The following PCDHGA4 variants were observed in gnomAD, a reference collection of about 807,000 sequenced individuals.
The protein encoded by PCDHGA4 is protocadherin gamma subfamily A, 4.
In PCDHGA4, 38 loss-of-function variants were observed where a neutral mutation model predicts 54.6. That is an observed-to-expected ratio of 0.70 (90% confidence interval 0.54 to 0.91). PCDHGA4 has a LOEUF of 0.91. Among genes scored for constraint, PCDHGA4 ranks in the 40% least tolerant of loss-of-function variants. PCDHGA4 has a pLI of 0.00. For synonymous variants in PCDHGA4, 511 were observed against 512.9 expected (o/e 1.00, Z 0.05); for missense variants, 1,298 against 1,220.9 (o/e 1.06, Z -0.94).
intron 1 of PCDHGA4, chr5:141,424,529 A>G (rs1308118953): frequency 6.6e-6 from 1 of 152,218 alleles, no homozygotes; most frequent in Non-Finnish European, 1.5e-5. Context: ...AAATCCATAT[A>G]TAGAAATAAC....
At chr5:141,374,811 C>A (rs1770858987) in intron 1 of PCDHGA4, 1 of 1,613,868 alleles carries the variant, frequency 6.2e-7, no homozygotes, top group Admixed American at 1.7e-5. Flanking sequence ...CCAATGTTTA[C>A]TCAGCCTGTC....
At chr5:141,419,556 C>A (rs202164819) in intron 1 of PCDHGA4, 227 of 1,611,892 alleles carry the variant, frequency 1.4e-4, no homozygotes, top group Non-Finnish European at 8.6e-5. Context: ...CTGTACCCTG[C>A]GCTGGGTCCC....
intron 1 of PCDHGA4, among the ~76,000 whole-genome samples, chr5:141,467,116 A>T (rs981562543): frequency 2.0e-5 from 3 of 150,560 alleles, no homozygotes; most frequent in Non-Finnish European, 4.4e-5. Flanking sequence ...ACAATGGTGC[A>T]ATCTCAGCTC....
chr5:141,435,066 G>A (rs936110088), intron 1 of PCDHGA4, among the ~76,000 whole-genome samples: 3 of 151,920 alleles, frequency 2.0e-5, no homozygotes, highest in African/African-American at 7.3e-5. Context: ...GCAGTTTTGT[G>A]TAGACCGTCT....
intron 1 of PCDHGA4, chr5:141,376,167 T>C (rs1772357284): frequency 3.1e-6 from 5 of 1,614,124 alleles, no homozygotes; most frequent in East Asian, 2.2e-5. Context: ...TACCTGGTGG[T>C]GGCGGTGGCC....
intron 1 of PCDHGA4, chr5:141,366,096 C>A (rs763995838): frequency 5.6e-6 from 9 of 1,614,108 alleles, no homozygotes; most frequent in Middle Eastern, 1.6e-4. Context: ...TACCTGGTGA[C>A]CAAGGTGGTA....
chr5:141,487,275 G>T lies in PCDHGA4; in HGVS notation c.2515-7532G>T, dbSNP rs747253888. 2.5e-6 allele frequency: 4 copies of T among 1,614,158 alleles called. No homozygotes were observed. The highest frequency in any genetic ancestry group is 1.1e-5 in the South Asian group (1 of 91,074). On this transcript the variant is annotated intron_variant, in intron 1 of 3. Coordinates refer to ENST00000571252, the MANE Select transcript of PCDHGA4 (RefSeq NM_018917.4). The surrounding 1 kb of genome is among the most constrained non-coding windows in gnomAD (Gnocchi z 5.0). ...TTGGCTGTGTCCCTAGTGGCAATTT[G>T]CTTTGTCTCCTTTGGCTCATTCGTG...
intron 1 of PCDHGA4, chr5:141,415,051 C>T: frequency 3.1e-6 from 5 of 1,613,458 alleles, no homozygotes; most frequent in South Asian, 1.1e-5. Flanking sequence ...GGTGGGGGAG[C>T]ACACGGGCGA....
intron 1 of PCDHGA4, chr5:141,412,314 A>G (rs913648948): frequency 6.6e-6 from 1 of 152,240 alleles, no homozygotes; most frequent in African/African-American, 2.4e-5. Flanking sequence ...CAATGCAAAC[A>G]GTTTAATTTG....
At chr5:141,361,018 A>G in intron 1 of PCDHGA4, 1 of 1,613,362 alleles carries the variant, frequency 6.2e-7, no homozygotes, top group Non-Finnish European at 8.5e-7. Context: ...TTTCAACTTA[A>G]ATGAAAAAAC....
chr5:141,360,821 G>T, intron 1 of PCDHGA4: 1 of 1,613,924 alleles, frequency 6.2e-7, no homozygotes, highest in Non-Finnish European at 8.5e-7. Flanking sequence ...ACCCAAATCC[G>T]AATCAAAGTC....
At chr5:141,428,122 G>T in intron 1 of PCDHGA4, 1 of 1,606,172 alleles carries the variant, frequency 6.2e-7, no homozygotes, top group Non-Finnish European at 8.5e-7. Flanking sequence ...ATCGAGCCCG[G>T]GCTTTTCAGC....
At chr5:141,360,594 A>C (rs1375239245) in intron 1 of PCDHGA4, 1 of 1,614,032 alleles carries the variant, frequency 6.2e-7, no homozygotes, top group Admixed American at 1.7e-5. Flanking sequence ...CAACATTTCC[A>C]CTTGACCCAG....
intron 1 of PCDHGA4, chr5:141,384,043 G>A (rs367639640): frequency 1.6e-5 from 26 of 1,612,650 alleles, no homozygotes; most frequent in Admixed American, 3.3e-5. Flanking sequence ...GAATGGTGAG[G>A]TGACCTGCAC....
intron 1 of PCDHGA4, among the ~76,000 whole-genome samples, chr5:141,424,884 T>C (rs953145254): frequency 2.0e-5 from 3 of 152,186 alleles, no homozygotes; most frequent in Non-Finnish European, 4.4e-5. Flanking sequence ...AGGAGACTTA[T>C]CTAGGGTTTT....
chr5:141,383,980 C>G lies in PCDHGA4; in HGVS notation c.2514+26359C>G, dbSNP rs145468093. The G allele has an allele frequency of 9.9e-5, 159 of 1,613,694 alleles. No homozygotes were observed. In the East Asian group the frequency reaches 3.5e-3, roughly 35 times the overall value. Reference sequence around the variant, plus strand: ...AAGTAGCTCAATCCCTGAAGACACACCTCTTGGGACAGTCATTGCTCTTTT... The same window carrying G: ...AAGTAGCTCAATCCCTGAAGACACAGCTCTTGGGACAGTCATTGCTCTTTT... On this transcript the variant is annotated intron_variant, in intron 1 of 3. Transcript: ENST00000571252.
At chr5:141,390,039 C>A (rs2092026934) in intron 1 of PCDHGA4, 2 of 1,614,048 alleles carry the variant, frequency 1.2e-6, no homozygotes, top group Non-Finnish European at 1.7e-6. Flanking sequence ...CTCCTCCAGC[C>A]CCGCCTCCTG....
At chr5:141,470,388 T>C (rs1234907080) in intron 1 of PCDHGA4, among the ~76,000 whole-genome samples, 4 of 152,198 alleles carry the variant, frequency 2.6e-5, no homozygotes, top group African/African-American at 9.6e-5. Flanking sequence ...TACTCGATGA[T>C]ATTTAGGATT....
At chr5:141,373,221 T>C (rs1295527389) in intron 1 of PCDHGA4, among the ~76,000 whole-genome samples, 1 of 152,268 alleles carries the variant, frequency 6.6e-6, no homozygotes, top group Non-Finnish European at 1.5e-5. Flanking sequence ...TAATGTAACC[T>C]GTATATAATA....
Sources: gnomAD v4.1 joint callset for allele counts (sites outside exome capture counted in the v4.1 genomes callset) on GRCh38, gnomAD v4.1.1 for gene constraint, Gnocchi (gnomAD v3.1) non-coding constraint, MANE v1.5 for transcripts, NCBI Gene and HGNC (gene_info 2026-07-23, HGNC 2026-07-21) for gene names.